The following WDFY3 variants were observed in gnomAD, a reference collection of about 807,000 sequenced individuals.
The protein encoded by WDFY3 is WD repeat and FYVE domain-containing protein 3.
In WDFY3, 66 loss-of-function variants were observed where a neutral mutation model predicts 409.6. The observed-to-expected ratio is 0.16, with a 90% confidence interval of 0.13 to 0.20. The LOEUF is 0.20. WDFY3 is among the 10% of genes least tolerant of loss of function. The probability of loss-of-function intolerance (pLI) is 1.00; values close to 1 mark genes in which losing one functional copy is unlikely to be tolerated. For missense variants in WDFY3, 3,031 were observed against 4,298.1 expected (o/e 0.71, Z 8.24); for synonymous variants, 1,521 against 1,537.1 (o/e 0.99, Z 0.25).
intron 15 of WDFY3, among the ~76,000 whole-genome samples, chr4:84,807,400 A>G (rs1280777793): frequency 1.3e-5 from 2 of 152,230 alleles, no homozygotes; most frequent in Non-Finnish European, 2.9e-5. Context: ...TATACCTAAT[A>G]TTACTATGCA....
intron 2 of WDFY3, among the ~76,000 whole-genome samples, chr4:84,929,469 G>C (rs958963983): frequency 2.9e-5 from 4 of 136,948 alleles, no homozygotes; most frequent in African/African-American, 8.1e-5. Context: ...ATTGAATTGC[G>C]CCCCCCCCCC....
At chr4:84,877,361 T>G (rs187535005) in intron 3 of WDFY3, among the ~76,000 whole-genome samples, 2 of 152,310 alleles carry the variant, frequency 1.3e-5, no homozygotes, top group Admixed American at 1.3e-4. Flanking sequence ...TTGTTGTTTT[T>G]CTCATTCTGT....
In WDFY3 at chr4:84,718,511, A is replaced by G. The variant is rs989939425; in HGVS notation, c.7665T>C (p.Leu2555=). The change falls in exon 48 of 68, where the codon CTT becomes CTC. Residue 2555 remains leucine, a synonymous_variant. Coordinates refer to ENST00000295888, the MANE Select transcript of WDFY3 (RefSeq NM_014991.6). The part of the protein sequence containing the change: ...VQGLDTSEGL[L]LFGKEHFYVI... Reference sequence around the variant, plus strand: ...CATAAAAATGCTCTTTACCAAAAAGAAGGAGCCCCTCACTGGTATCTAGGC... The same window carrying G: ...CATAAAAATGCTCTTTACCAAAAAGGAGGAGCCCCTCACTGGTATCTAGGC... 2 of 1,614,094 alleles carry G rather than the reference A, an allele frequency of 1.2e-6. No homozygotes were observed. Among genetic ancestry groups the G allele is most frequent in the Admixed American group, 1.7e-5 (1 of 60,012 alleles).
At chr4:84,823,774 C>G (rs1754432230) in intron 10 of WDFY3, among the ~76,000 whole-genome samples, 2 of 152,076 alleles carry the variant, frequency 1.3e-5, no homozygotes, top group South Asian at 4.1e-4. Flanking sequence ...CTAACAATAC[C>G]AAGTGTTACT....
Position 84,841,176 on chromosome 4 carries a change from T to G in WDFY3, c.392A>C (p.Asn131Thr). 6.2e-7 allele frequency: 1 copy of G among 1,610,572 alleles called. No homozygotes were observed. Among genetic ancestry groups the G allele is most frequent in the Non-Finnish European group, 8.5e-7 (1 of 1,179,378 alleles). ...SRGWMLLTTINLLASSGQKTV... is the reference protein window; with the variant it reads ...SRGWMLLTTITLLASSGQKTV... ...TACCTGACCAGAGGAAGCTAACAAA[T>G]TAATTGTCGTTAGAAGCATCCAGCC... The change falls in exon 6 of 68, where the codon AAT (asparagine) becomes ACT (threonine). Residue 131 changes from asparagine to threonine, a missense_variant. By Grantham distance (65) the Asn-to-Thr change is moderately conservative. Coordinates refer to ENST00000295888, the MANE Select transcript of WDFY3 (RefSeq NM_014991.6).
chr4:84,794,476 A>G lies in WDFY3; in HGVS notation c.3487+43T>C, dbSNP rs377414656. On this transcript the variant is annotated intron_variant, in intron 21 of 67. Transcript: ENST00000295888. Reference sequence around the variant, plus strand: ...AAATAAATACAAAAATGAAGTTTTAATACTTCTATAATCAAAAGAAGAAAA... The same window carrying G: ...AAATAAATACAAAAATGAAGTTTTAGTACTTCTATAATCAAAAGAAGAAAA... 3.6e-5 allele frequency: 56 copies of G among 1,539,048 alleles called. No individual in the cohort carries two copies. In the African/African-American group the frequency reaches 7.5e-4, roughly 21 times the overall value.
At chr4:84,679,267 G>T in intron 64 of WDFY3, 25 bp from the exon 65 acceptor site, 3 of 1,456,034 alleles carry the variant, frequency 2.1e-6, no homozygotes, top group Non-Finnish European at 2.7e-6. Context: ...GAGAGAATTG[G>T]AACATACGGA....
At chr4:84,704,512 T>C (rs574298482) in intron 54 of WDFY3, 68 bp from the exon 55 acceptor site, 3 of 1,291,442 alleles carry the variant, frequency 2.3e-6, no homozygotes, top group Admixed American at 2.0e-5. Flanking sequence ...TTGGTATTAA[T>C]TTATGCTTGA....
intron 21 of WDFY3, among the ~76,000 whole-genome samples, chr4:84,791,580 G>C (rs561271911): frequency 6.6e-6 from 1 of 152,030 alleles, no homozygotes; most frequent in South Asian, 2.1e-4. Flanking sequence ...TTTGGTTACA[G>C]TATGGGTTAG....
At chr4:84,830,538 T>G (rs562797403) in intron 8 of WDFY3, among the ~76,000 whole-genome samples, 26 of 152,324 alleles carry the variant, frequency 1.7e-4, no homozygotes, top group Non-Finnish European at 3.1e-4. Flanking sequence ...TATTGGGACA[T>G]AACCCCACCA....
intron 5 of WDFY3, 174 bp downstream of exon 5, chr4:84,849,728 T>C: frequency 7.4e-6 from 6 of 806,730 alleles, no homozygotes; most frequent in South Asian, 5.9e-5. Context: ...TACTGGAGAG[T>C]TGAAGATGCT....
At chr4:84,749,403 C>T (rs1740093839) in intron 36 of WDFY3, among the ~76,000 whole-genome samples, 1 of 151,904 alleles carries the variant, frequency 6.6e-6, no homozygotes, top group South Asian at 2.1e-4. Context: ...TAGATAGTAT[C>T]CTATCTTCCT....
At chr4:84,790,972 G>A (rs1748416541) in intron 21 of WDFY3, among the ~76,000 whole-genome samples, 1 of 151,876 alleles carries the variant, frequency 6.6e-6, no homozygotes, top group Non-Finnish European at 1.5e-5. Context: ...GTGTTGGCAA[G>A]AATGTGGAGA....
At chr4:84,963,292 C>T (rs1337218854) in intron 1 of WDFY3, among the ~76,000 whole-genome samples, 3 of 151,670 alleles carry the variant, frequency 2.0e-5, no homozygotes, top group East Asian at 3.9e-4. Flanking sequence ...GGCGTGGTGG[C>T]GAGGGTCTAT....
intron 1 of WDFY3, among the ~76,000 whole-genome samples, chr4:84,959,975 T>C (rs917617791): frequency 6.6e-6 from 1 of 152,200 alleles, no homozygotes; most frequent in African/African-American, 2.4e-5. Context: ...AGTTCAAAGA[T>C]AATATGATCG....
At chr4:84,947,585 C>T (rs1773044291) in intron 1 of WDFY3, among the ~76,000 whole-genome samples, 1 of 147,932 alleles carries the variant, frequency 6.8e-6, no homozygotes, top group Admixed American at 6.8e-5. Flanking sequence ...AAAATTCCTG[C>T]TAGGCTGGGC....
chr4:84,755,151 C>T, intron 34 of WDFY3, 115 bp downstream of exon 34: 1 of 1,437,756 alleles, frequency 7.0e-7, no homozygotes, highest in Non-Finnish European at 9.4e-7. Context: ...GTCTGAAGTT[C>T]CAGAGATCAT....
At chr4:84,716,076 T>C (rs1382761720) in intron 49 of WDFY3, among the ~76,000 whole-genome samples, 1 of 152,088 alleles carries the variant, frequency 6.6e-6, no homozygotes, top group Non-Finnish European at 1.5e-5. Context: ...ACAAGAGAAA[T>C]GCATTATACA....
intron 32 of WDFY3, among the ~76,000 whole-genome samples, chr4:84,759,515 T>C (rs1338755195): frequency 2.0e-5 from 3 of 151,446 alleles, no homozygotes; most frequent in Non-Finnish European, 4.4e-5. Flanking sequence ...GAAGAGGTCC[T>C]TCACATCCCT....
Sources: gnomAD v4.1 joint callset for allele counts (sites outside exome capture counted in the v4.1 genomes callset) on GRCh38, gnomAD v4.1.1 for gene constraint, MANE v1.5 for transcripts, NCBI Gene and HGNC (gene_info 2026-07-23, HGNC 2026-07-21) for gene names.